IPO11: variants seen among roughly 807,000 people sequenced by gnomAD.
IPO11 encodes importin 11.
IPO11 carries 66 observed loss-of-function variants against 143.2 expected under a neutral mutation model. The ratio of observed to expected loss-of-function variants is 0.46; its 90% CI spans 0.38 to 0.57. IPO11 has a LOEUF of 0.57. IPO11 is among the 20% of genes least tolerant of loss of function. The pLI, the probability that IPO11 is intolerant of heterozygous loss-of-function variation, is 0.00. For synonymous variants in IPO11, 385 were observed against 377.8 expected, an observed-to-expected ratio of 1.02 and a Z score of -0.22; for missense variants, 1,026 against 1,141.0, an observed-to-expected ratio of 0.90 and a Z score of 1.45.
intron 5 of IPO11, among the ~76,000 whole-genome samples, chr5:62,453,206 T>C (rs1002291945): frequency 6.6e-6 from 1 of 151,100 alleles, no homozygotes; most frequent in Admixed American, 6.6e-5. Flanking sequence ...TGCTCATGCC[T>C]TTCCCTAAAT....
Position 62,524,730 on chromosome 5 carries a change from A to C in IPO11, c.1897-1412A>C, listed in dbSNP as rs376848871. Among the ~76,000 whole-genome samples, 95 of 152,304 alleles carry C rather than the reference A, an allele frequency of 6.2e-4. No individual in the cohort carries two copies. In the South Asian group the frequency reaches 0.014, roughly 23 times the overall value. ...GTGCAGTGACTGTAGTTAAAAAATAATGTATTGTACACTGGAGAATTGCAG... is the reference window on the plus strand; with the variant it reads ...GTGCAGTGACTGTAGTTAAAAAATACTGTATTGTACACTGGAGAATTGCAG... On this transcript the variant is annotated intron_variant, in intron 20 of 29. Coordinates refer to ENST00000325324, the MANE Select transcript of IPO11 (RefSeq NM_016338.5).
chr5:62,479,602 G>T (rs556475685), intron 9 of IPO11, among the ~76,000 whole-genome samples: 156 of 152,270 alleles, frequency 1.0e-3, no homozygotes, highest in African/African-American at 3.6e-3. Flanking sequence ...AGCACCTGTT[G>T]TTTCCTGACT....
intron 1 of IPO11, 44 bp from the exon 2 acceptor site, chr5:62,437,230 T>A: frequency 1.4e-6 from 2 of 1,437,498 alleles, no homozygotes; most frequent in Non-Finnish European, 1.9e-6. Context: ...TAATTTTTTA[T>A]TACTTGTAAT....
intron 19 of IPO11, among the ~76,000 whole-genome samples, chr5:62,509,027 A>C (rs1312074443): frequency 6.6e-6 from 1 of 152,266 alleles, no homozygotes; most frequent in Non-Finnish European, 1.5e-5. Context: ...TTTCTGACAC[A>C]TACAGTTTAA....
chr5:62,504,452 C>G (rs1005448536), intron 16 of IPO11, among the ~76,000 whole-genome samples: 5 of 152,094 alleles, frequency 3.3e-5, no homozygotes, highest in African/African-American at 1.2e-4. Context: ...TTATGGGAAA[C>G]TGAAAAGAAT....
chr5:62,421,715 T>G (rs1047728668), intron 1 of IPO11, among the ~76,000 whole-genome samples: 3 of 152,222 alleles, frequency 2.0e-5, no homozygotes, highest in Non-Finnish European at 4.4e-5. Flanking sequence ...ACTTGTTAAC[T>G]TATATGGACT....
At chr5:62,528,088 G>A (rs1376030728) in intron 21 of IPO11, among the ~76,000 whole-genome samples, 1 of 152,172 alleles carries the variant, frequency 6.6e-6, no homozygotes, top group Non-Finnish European at 1.5e-5. Context: ...AAGAAGAGAA[G>A]GACAGAGAAC....
At chr5:62,444,788 G>C (rs1580186775) in intron 3 of IPO11, among the ~76,000 whole-genome samples, 1 of 151,984 alleles carries the variant, frequency 6.6e-6, no homozygotes, top group Non-Finnish European at 1.5e-5. Context: ...AGAATCACTT[G>C]AACCTGGGAG....
chr5:62,526,177 C>T lies in IPO11; in HGVS notation c.1932C>T (p.Phe644=). The T allele has an allele frequency of 6.2e-7, 1 of 1,613,558 alleles. No individual in the cohort carries two copies. Among genetic ancestry groups the T allele is most frequent in the African/African-American group, 1.3e-5 (1 of 75,000 alleles). Residue 644 remains phenylalanine, a synonymous_variant, in exon 21 of 30, where the codon TTC becomes TTT. Transcript: ENST00000325324. ...LGADSKNLYP[F]LLPVIQLSTD... ...CAGACAGCAAGAACCTGTACCCTTT[C>T]CTGCTCCCAGTTATTCAACTGAGTA...
At chr5:62,482,169 C>G (rs570550776) in intron 9 of IPO11, among the ~76,000 whole-genome samples, 5 of 151,938 alleles carry the variant, frequency 3.3e-5, no homozygotes, top group African/African-American at 1.2e-4. Flanking sequence ...CTGTTTGATT[C>G]TTCTCTTTTC....
chr5:62,513,509 C>A (rs1271727178), intron 19 of IPO11, among the ~76,000 whole-genome samples: 3 of 144,348 alleles, frequency 2.1e-5, no homozygotes, highest in African/African-American at 7.6e-5. Context: ...CGCCCCTCAC[C>A]TCCCGGACGG....
chr5:62,450,663 T>TAAAAA (rs34266204), intron 4 of IPO11, among the ~76,000 whole-genome samples: 3 of 144,552 alleles, frequency 2.1e-5, no homozygotes, highest in African/African-American at 7.6e-5. Flanking sequence ...CCCCACCATT[T>TAAAAA]AAAAAAAAAA....
chr5:62,503,929 ATATAT>A (rs1346152855), intron 16 of IPO11, among the ~76,000 whole-genome samples: 5 of 152,204 alleles, frequency 3.3e-5, no homozygotes, highest in African/African-American at 7.2e-5. Context: ...AAAGTTTTAG[ATATAT>A]TATCTCACAG....
intron 29 of IPO11, among the ~76,000 whole-genome samples, chr5:62,605,888 A>G (rs1415567354): frequency 6.6e-6 from 1 of 151,954 alleles, no homozygotes; most frequent in African/African-American, 2.4e-5. Context: ...TGTGCATGCC[A>G]CTACGCTAAT....
chr5:62,470,411 A>G (rs1479672704), intron 7 of IPO11, 103 bp downstream of exon 7: 19 of 991,484 alleles, frequency 1.9e-5, no homozygotes. Context: ...AAGAGTTTTT[A>G]TTAAGTGACC....
intron 15 of IPO11, among the ~76,000 whole-genome samples, chr5:62,491,131 T>C (rs1318998311): frequency 6.6e-6 from 1 of 152,190 alleles, no homozygotes; most frequent in Non-Finnish European, 1.5e-5. Flanking sequence ...CTGGGGCCTA[T>C]CAGAATACTT....
chr5:62,589,234 T>C (rs994760439), intron 27 of IPO11, among the ~76,000 whole-genome samples: 9 of 152,160 alleles, frequency 5.9e-5, no homozygotes, highest in Non-Finnish European at 1.2e-4. Flanking sequence ...TATTACCCTA[T>C]TGTTTCCCTC....
intron 26 of IPO11, among the ~76,000 whole-genome samples, chr5:62,559,314 T>C (rs768449205): frequency 3.3e-5 from 5 of 152,008 alleles, no homozygotes; most frequent in Non-Finnish European, 5.9e-5. Flanking sequence ...TAAAAGAGGA[T>C]TGAAGCAAGT....
At chr5:62,482,735 T>C (rs1372990402) in intron 9 of IPO11, among the ~76,000 whole-genome samples, 1 of 152,172 alleles carries the variant, frequency 6.6e-6, no homozygotes, top group African/African-American at 2.4e-5. Flanking sequence ...ATAATTCATA[T>C]GGGAAAGGGA....
Sources: gnomAD v4.1 joint callset for allele counts (sites outside exome capture counted in the v4.1 genomes callset) on GRCh38, gnomAD v4.1.1 for gene constraint, MANE v1.5 for transcripts, NCBI Gene and HGNC (gene_info 2026-07-23, HGNC 2026-07-21) for gene names.